ABCC12: variants seen among roughly 807,000 people sequenced by gnomAD.
ABCC12 encodes ATP binding cassette subfamily C member 12, also known as ATP-binding cassette sub-family C member 12.
A neutral mutation model predicts 151.1 loss-of-function variants in ABCC12; 142 were observed. The ratio of observed to expected loss-of-function variants is 0.94; its 90% CI spans 0.82 to 1.08. The LOEUF is 1.08. ABCC12 is among the 50% of genes least tolerant of loss of function. ABCC12 has a pLI of 0.00. For synonymous variants in ABCC12, 645 were observed against 646.4 expected (o/e 1.00, Z 0.03); for missense variants, 1,638 against 1,691.1 (o/e 0.97, Z 0.55).
At chr16:48,129,176 G>A (rs1307848171) in intron 10 of ABCC12, among the ~76,000 whole-genome samples, 2 of 152,234 alleles carry the variant, frequency 1.3e-5, no homozygotes, top group African/African-American at 4.8e-5. Context: ...GCCAGACTTT[G>A]GGGTAAACAG....
At chr16:48,132,597 T>C (rs543014738) in intron 9 of ABCC12, among the ~76,000 whole-genome samples, 1 of 152,340 alleles carries the variant, frequency 6.6e-6, no homozygotes, top group Non-Finnish European at 1.5e-5. Flanking sequence ...GGTTTTTTCT[T>C]TATTTAAGCC....
chr16:48,098,022 T>A (rs1248407637), intron 23 of ABCC12, among the ~76,000 whole-genome samples: 3 of 151,098 alleles, frequency 2.0e-5, no homozygotes, highest in Non-Finnish European at 4.4e-5. Flanking sequence ...GAGCCAGGCC[T>A]GGAGAAAAGG....
At position 48,140,752 on chromosome 16, in the gene ABCC12, G is replaced by T. The variant is rs1365478926; in HGVS notation, c.592C>A (p.Leu198Ile). 1.2e-6 allele frequency: 2 copies of T among 1,614,208 alleles called. No individual in the cohort carries two copies. Among genetic ancestry groups the T allele is most frequent in the Non-Finnish European group, 1.7e-6 (2 of 1,180,036 alleles). The change falls in exon 6 of 31, where the codon CTC (leucine) becomes ATC (isoleucine). Residue 198 changes from leucine to isoleucine, a missense_variant. Transcript: ENST00000311303. The stretch of plus-strand genomic sequence containing the variant: ...AGGTTTTCAAAAACCAAGGTGGAGA[G>T]CGCCACCTTCAACCGGATGGCCGTG... ...YRTAIRLKVALSTLVFENLVS... is the reference protein window; with the variant it reads ...YRTAIRLKVAISTLVFENLVS...
Position 48,115,628 on chromosome 16 carries a change from G to A in ABCC12, c.1786-10C>T. 6.2e-7 allele frequency: 1 copy of A among 1,610,916 alleles called. No individual in the cohort carries two copies. Among genetic ancestry groups the A allele is most frequent in the South Asian group, 1.1e-5 (1 of 90,746 alleles). On this transcript the variant is annotated splice_polypyrimidine_tract_variant and intron_variant, in intron 14 of 30. Coordinates refer to ENST00000311303, the MANE Select transcript of ABCC12 (RefSeq NM_001393797.1). Reference sequence around the variant, plus strand: ...GGCCCCGCTCCCCAATCTGTGGACAGGGACAATGCTACTGCCCATTGTCAG... The same window carrying A: ...GGCCCCGCTCCCCAATCTGTGGACAAGGACAATGCTACTGCCCATTGTCAG...
chr16:48,127,401 T>G (rs1367903302), intron 11 of ABCC12, among the ~76,000 whole-genome samples: 1 of 152,082 alleles, frequency 6.6e-6, no homozygotes, highest in Non-Finnish European at 1.5e-5. Flanking sequence ...GAAATCTCCA[T>G]CCCCCAATCT....
chr16:48,099,623 G>A (rs1424315887), intron 23 of ABCC12, among the ~76,000 whole-genome samples: 1 of 152,148 alleles, frequency 6.6e-6, no homozygotes, highest in Non-Finnish European at 1.5e-5. Flanking sequence ...CCTTGCGTTA[G>A]GTGAGCCCAT....
chr16:48,111,303 A>AGACCTAGACAAGGAACC, intron 18 of ABCC12, 133 bp downstream of exon 18: 1 of 1,064,398 alleles, frequency 9.4e-7, no homozygotes, highest in Non-Finnish European at 1.4e-6. Flanking sequence ...ACCCCAAGGC[A>AGACCTAGACAAGGAACC]CACAGTACCC....
At chr16:48,150,401 T>C (rs1399689668) in intron 2 of ABCC12, among the ~76,000 whole-genome samples, 3 of 152,222 alleles carry the variant, frequency 2.0e-5, no homozygotes, top group Non-Finnish European at 4.4e-5. Context: ...GGCATATTAC[T>C]ATTCAACAGT....
At chr16:48,133,569 G>A in intron 9 of ABCC12, 118 bp downstream of exon 9, 1 of 1,219,050 alleles carries the variant, frequency 8.2e-7, no homozygotes, top group Non-Finnish European at 1.1e-6. Context: ...CACATCCTGT[G>A]GCCTGCCATG....
At chr16:48,140,654 T>C in intron 6 of ABCC12, 33 bp downstream of exon 6, 1 of 1,600,092 alleles carries the variant, frequency 6.2e-7, no homozygotes, top group South Asian at 1.1e-5. Flanking sequence ...CAGGGCCCAT[T>C]TTCCAACATT....
chr16:48,086,845 G>A, intron 27 of ABCC12, 26 bp from the exon 28 acceptor site: 1 of 1,587,380 alleles, frequency 6.3e-7, no homozygotes. Flanking sequence ...GGAGAGGACA[G>A]GGAGCCAGAT....
intron 20 of ABCC12, among the ~76,000 whole-genome samples, chr16:48,107,021 A>T (rs1963515599): frequency 6.6e-6 from 1 of 152,198 alleles, no homozygotes; most frequent in Non-Finnish European, 1.5e-5. Flanking sequence ...CTTACAAGAG[A>T]GGCTGTGAAA....
At chr16:48,099,277 GC>G (rs1446232850) in intron 23 of ABCC12, among the ~76,000 whole-genome samples, 2 of 151,924 alleles carry the variant, frequency 1.3e-5, no homozygotes, top group African/African-American at 4.8e-5. Context: ...AATTAGCTGG[GC>G]CCCAGTTACT....
At chr16:48,122,852 G>C (rs1363533419) in intron 12 of ABCC12, among the ~76,000 whole-genome samples, 1 of 152,210 alleles carries the variant, frequency 6.6e-6, no homozygotes, top group Non-Finnish European at 1.5e-5. Context: ...GCCAACTATT[G>C]CTTACATGAT....
intron 6 of ABCC12, among the ~76,000 whole-genome samples, chr16:48,140,162 G>A (rs1218951310): frequency 6.6e-6 from 1 of 152,094 alleles, no homozygotes; most frequent in Non-Finnish European, 1.5e-5. Context: ...CACCACCTGG[G>A]GTTCCCTTGA....
Position 48,086,746 on chromosome 16 carries a change from C to G in ABCC12, c.3709G>C (p.Asp1237His). Residue 1237 changes from aspartate to histidine, a missense_variant, in exon 28 of 31, where the codon GAC (aspartate) becomes CAC (histidine). By Grantham distance (81) the Asp-to-His change is moderately conservative. Coordinates refer to ENST00000311303, the MANE Select transcript of ABCC12 (RefSeq NM_001393797.1). Reference sequence around the variant, plus strand: ...CAACAGCCCCAGAGACCTACTGTGTCTCTCATGAATGTTCTCTCCAGAACC... The same window carrying G: ...CAACAGCCCCAGAGACCTACTGTGTGTCTCATGAATGTTCTCTCCAGAACC... Reference protein sequence around the residue: ...WQVLERTFMRDTIMKLPEKLQ... With the variant: ...WQVLERTFMRHTIMKLPEKLQ... 2 of 1,613,092 alleles carry G rather than the reference C, an allele frequency of 1.2e-6. No individual in the cohort carries two copies. The highest frequency in any genetic ancestry group is 1.7e-6 in the Non-Finnish European group (2 of 1,179,134).
rs1310394016 is a variant in ABCC12 at position 48,121,820 on chromosome 16, C to A, written c.1608G>T (p.Val536=). ...LLGQMQLQKG[V]VAVNGTLAYV... ...AGGCCAAAGTTCCATTGACTGCCAC[C>A]ACCCCTTTCTGCAGCTGCATCTGGA... Residue 536 remains valine, a synonymous_variant, in exon 13 of 31, where the codon GTG becomes GTT. Coordinates refer to ENST00000311303, the MANE Select transcript of ABCC12 (RefSeq NM_001393797.1). 1 of 1,614,194 alleles carries A rather than the reference C, an allele frequency of 6.2e-7. No individual in the cohort carries two copies. Among genetic ancestry groups the A allele is most frequent in the East Asian group, 2.2e-5 (1 of 44,886 alleles).
chr16:48,091,202 C>T lies in ABCC12; in HGVS notation c.3203G>A (p.Gly1068Glu), dbSNP rs754405267. Reference sequence around the variant, plus strand: ...CGTTCGCACACACACTTGGAGCAGTCCGCTCAGCTGTTGAAAAGGAGCGAG... The same window carrying T: ...CGTTCGCACACACACTTGGAGCAGTTCGCTCAGCTGTTGAAAAGGAGCGAG... ...LSLSYIIQLS[G>E]LLQVCVRTGT... The change falls in exon 25 of 31, where the codon GGA becomes GAA. Residue 1068 changes from glycine (G) to glutamate (E), a missense_variant. Physicochemically the swap from Gly to Glu is moderately conservative, Grantham distance 98 (BLOSUM62 -2). Coordinates refer to ENST00000311303, the MANE Select transcript of ABCC12 (RefSeq NM_001393797.1). 14 of 1,614,086 alleles carry T rather than the reference C, an allele frequency of 8.7e-6. No individual in the cohort carries two copies. Among genetic ancestry groups the T allele is most frequent in the Non-Finnish European group, 1.1e-5 (13 of 1,179,964 alleles).
At chr16:48,107,583 G>A (rs891279603) in intron 19 of ABCC12, among the ~76,000 whole-genome samples, 158 bp from the exon 20 acceptor site, 1 of 152,236 alleles carries the variant, frequency 6.6e-6, no homozygotes, top group Non-Finnish European at 1.5e-5. Context: ...GCACATCTGA[G>A]TGTTGGGACC....
Sources: gnomAD v4.1 joint callset for allele counts (sites outside exome capture counted in the v4.1 genomes callset) on GRCh38, gnomAD v4.1.1 for gene constraint, MANE v1.5 for transcripts, NCBI Gene and HGNC (gene_info 2026-07-23, HGNC 2026-07-21) for gene names.